The following ATP9B variants were observed in gnomAD, a reference collection of about 807,000 sequenced individuals.
The protein encoded by ATP9B is probable phospholipid-transporting ATPase IIB.
Under a neutral mutation model 146.1 loss-of-function variants are expected in ATP9B, and 110 were observed. The observed-to-expected ratio is 0.75, with a 90% CI of 0.65 to 0.88. The LOEUF (loss-of-function observed/expected upper bound fraction) is 0.88, where lower values mean the gene tolerates loss of function less well. Ranked by LOEUF, ATP9B falls within the 40% of genes least tolerant of loss-of-function variation. The pLI, the probability that ATP9B is intolerant of heterozygous loss-of-function variation, is 0.00. For missense variants in ATP9B, 1,499 were observed against 1,496.4 expected, an observed-to-expected ratio of 1.00 and a Z score of -0.03; for synonymous variants, 604 against 569.7, an observed-to-expected ratio of 1.06 and a Z score of -0.86.
intron 3 of ATP9B, among the ~76,000 whole-genome samples, chr18:79,111,899 T>A (rs552138582): frequency 6.6e-6 from 1 of 151,608 alleles, no homozygotes; most frequent in African/African-American, 2.4e-5. Context: ...CCAGTAGGAG[T>A]TCTATGTCAT....
chr18:79,104,578 A>C (rs1425694231), intron 2 of ATP9B, among the ~76,000 whole-genome samples: 1 of 151,920 alleles, frequency 6.6e-6, no homozygotes, highest in East Asian at 1.9e-4. Context: ...GTTTTTACCA[A>C]GTGAAATGTA....
Position 79,376,466 on chromosome 18 carries a change from T to C in ATP9B, c.3308-781T>C, listed in dbSNP as rs1315385449. On this transcript the variant is annotated intron_variant, in intron 29 of 29. Coordinates refer to ENST00000426216, the MANE Select transcript of ATP9B (RefSeq NM_198531.5). ...GTGCAGTGGCACAATCTTGGCTCAC[T>C]GCAACCTCTGCCTCCTGAGTTCAAG... 4.4e-6 allele frequency: 4 copies of C among 905,142 alleles called. No homozygotes were observed. The African/African-American group carries it at 7.3e-5, about 16-fold the overall frequency. 56.1% of individuals were successfully genotyped at this position (905,142 alleles called of 1,614,324 possible). A position where few individuals can be genotyped will look rare whatever the true frequency, so the allele number is the denominator to read the frequency against.
intron 20 of ATP9B, chr18:79,344,053 A>G (rs2096872864): frequency 1.7e-6 from 1 of 585,438 alleles, no homozygotes; most frequent in Non-Finnish European, 3.0e-6. Context: ...CAAATTTGAA[A>G]ATGATTGGCG....
intron 1 of ATP9B, among the ~76,000 whole-genome samples, chr18:79,078,660 T>C: frequency 6.7e-6 from 1 of 148,442 alleles, no homozygotes; most frequent in East Asian, 1.9e-4. Flanking sequence ...AGTGTATAGT[T>C]CAGTTTTTTT....
rs60895233 is a variant in ATP9B at position 79,215,972 on chromosome 18, G to T, written c.1107+1934G>T. ...CCCAAAGTGCTAGGATTACAGGCGT[G>T]AGCCACCGCACCCGACCACAAAACT... On this transcript the variant is annotated intron_variant, in intron 11 of 29. Coordinates refer to ENST00000426216, the MANE Select transcript of ATP9B (RefSeq NM_198531.5). Among the ~76,000 whole-genome samples, 753 of 152,288 alleles carry T rather than the reference G, an allele frequency of 4.9e-3. 12 individuals are homozygous for T. Among genetic ancestry groups the T allele is most frequent in the African/African-American group, 0.017 (711 of 41,550 alleles).
At chr18:79,271,908 C>T (rs2096259222) in intron 12 of ATP9B, among the ~76,000 whole-genome samples, 1 of 152,080 alleles carries the variant, frequency 6.6e-6, no homozygotes, top group African/African-American at 2.4e-5. Context: ...CTGTTGTTTC[C>T]TGACTTTCTA....
intron 1 of ATP9B, chr18:79,086,363 G>A (rs1272337628): frequency 7.1e-6 from 1 of 141,400 alleles, no homozygotes; most frequent in Non-Finnish European, 1.5e-5. Flanking sequence ...TTGAACTTGG[G>A]AGGCAGAGGT....
intron 14 of ATP9B, among the ~76,000 whole-genome samples, chr18:79,306,278 C>G (rs1458393703): frequency 1.3e-5 from 2 of 152,192 alleles, no homozygotes; most frequent in Non-Finnish European, 2.9e-5. Context: ...CTGACACCCT[C>G]CGCCACGTAG....
intron 29 of ATP9B, 141 bp downstream of exon 29, chr18:79,375,567 G>T: frequency 6.8e-7 from 1 of 1,478,992 alleles, no homozygotes. Context: ...TAAACTGGTG[G>T]CCATGTGCTT....
At chr18:79,191,232 GTTAT>G in intron 8 of ATP9B, among the ~76,000 whole-genome samples, 1 of 151,886 alleles carries the variant, frequency 6.6e-6, no homozygotes, top group Non-Finnish European at 1.5e-5. Flanking sequence ...TGTATAATGT[GTTAT>G]TTTTCTTTAG....
At chr18:79,098,741 C>T (rs928245515) in intron 2 of ATP9B, among the ~76,000 whole-genome samples, 1 of 152,170 alleles carries the variant, frequency 6.6e-6, no homozygotes, top group Non-Finnish European at 1.5e-5. Flanking sequence ...TGTCTATCAT[C>T]CCAGTAATGT....
intron 7 of ATP9B, among the ~76,000 whole-genome samples, chr18:79,163,152 C>T (rs573587017): frequency 6.6e-6 from 1 of 152,304 alleles, no homozygotes; most frequent in Admixed American, 6.5e-5. Flanking sequence ...AGCTGGCCAT[C>T]TTTCTGATTT....
chr18:79,134,100 A>C (rs533553145), intron 5 of ATP9B, among the ~76,000 whole-genome samples: 17 of 152,240 alleles, frequency 1.1e-4, no homozygotes, highest in African/African-American at 4.1e-4. Flanking sequence ...GGCTCTGGCC[A>C]CCTGCTCCAG....
intron 18 of ATP9B, 72 bp downstream of exon 18, chr18:79,336,783 C>T (rs1441082975): frequency 3.4e-6 from 5 of 1,480,176 alleles, no homozygotes; most frequent in Non-Finnish European, 4.7e-6. Flanking sequence ...TTCTTCCTGT[C>T]TTTGTATGAA....
intron 15 of ATP9B, among the ~76,000 whole-genome samples, chr18:79,315,698 T>C (rs562903632): frequency 5.2e-4 from 79 of 152,344 alleles, no homozygotes; most frequent in African/African-American, 1.8e-3. Context: ...GCCCCGTATT[T>C]TGTATTCTCT....
chr18:79,366,056 A>G (rs776188505), intron 26 of ATP9B, among the ~76,000 whole-genome samples: 30 of 152,272 alleles, frequency 2.0e-4, no homozygotes, highest in Non-Finnish European at 3.8e-4. Flanking sequence ...TGGATCATAC[A>G]TTGTGCATTT....
chr18:79,233,391 C>T (rs549974209), intron 11 of ATP9B, among the ~76,000 whole-genome samples: 3 of 152,298 alleles, frequency 2.0e-5, no homozygotes, highest in Admixed American at 6.5e-5. Context: ...TTCCAAGACA[C>T]TAGACCACAA....
intron 12 of ATP9B, among the ~76,000 whole-genome samples, chr18:79,263,839 C>G (rs1482410308): frequency 6.6e-6 from 1 of 152,220 alleles, no homozygotes; most frequent in East Asian, 1.9e-4. Flanking sequence ...AATCCCAGCA[C>G]TTTGGGAGGC....
Position 79,110,514 on chromosome 18 carries a change from A to C in ATP9B, c.444+9A>C. ...TTACCTTTATACCTGGGGTAAGACT[A>C]TTGCATTCTTGGAGATGGGTTGTGT... On this transcript the variant is annotated intron_variant, in intron 3 of 29. Transcript: ENST00000426216. 1 of 1,596,184 alleles carries C rather than the reference A, an allele frequency of 6.3e-7. No individual in the cohort carries two copies. The highest frequency in any genetic ancestry group is 8.5e-7 in the Non-Finnish European group (1 of 1,172,870).
Sources: gnomAD v4.1 joint callset for allele counts (sites outside exome capture counted in the v4.1 genomes callset) on GRCh38, gnomAD v4.1.1 for gene constraint, MANE v1.5 for transcripts, NCBI Gene and HGNC (gene_info 2026-07-23, HGNC 2026-07-21) for gene names.